The following CAMK1 variants were observed in gnomAD, a reference collection of about 807,000 sequenced individuals.
CAMK1 encodes calcium/calmodulin dependent protein kinase I, also known as calcium/calmodulin-dependent protein kinase type 1.
In CAMK1, 39 loss-of-function variants were observed where a neutral mutation model predicts 49.1. The ratio of observed to expected loss-of-function variants is 0.79; its 90% CI spans 0.62 to 1.04. The LOEUF (loss-of-function observed/expected upper bound fraction) is 1.04, where lower values mean the gene tolerates loss of function less well. Ranked by LOEUF, CAMK1 falls within the 50% of genes least tolerant of loss-of-function variation. The pLI is 0.00. For missense variants in CAMK1, 457 were observed against 472.2 expected, an observed-to-expected ratio of 0.97 and a Z score of 0.30; for synonymous variants, 192 against 185.2, an observed-to-expected ratio of 1.04 and a Z score of -0.30.
intron 10 of CAMK1, chr3:9,759,112 C>A: frequency 8.0e-7 from 1 of 1,242,330 alleles, no homozygotes; most frequent in Non-Finnish European, 1.2e-6. Flanking sequence ...TCTGGCCAGG[C>A]TTAGCACTTG....
Position 9,757,993 on chromosome 3 carries a change from A to T in CAMK1, c.913-147T>A. ...TTAATTCCCCTAAAGCCCCCCAAAA[A>T]CCTCTACAAGGCTTTATTATATATT... On this transcript the variant is annotated intron_variant, in intron 10 of 11. Coordinates refer to ENST00000256460, the MANE Select transcript of CAMK1 (RefSeq NM_003656.5). This position sits in a 1 kb window ranked among gnomAD's most constrained non-coding sequence, Gnocchi z 4.5. 1 of 1,345,986 alleles carries T rather than the reference A, an allele frequency of 7.4e-7. No individual in the cohort carries two copies. The highest frequency in any genetic ancestry group is 1.6e-5 in the South Asian group (1 of 64,272). 83.4% of individuals were successfully genotyped at this position (1,345,986 alleles called of 1,614,324 possible).
chr3:9,759,917 C>G (rs1340930112), intron 8 of CAMK1, 167 bp from the exon 9 acceptor site: 1 of 1,057,366 alleles, frequency 9.5e-7, no homozygotes, highest in Non-Finnish European at 1.4e-6. Context: ...CCCTCCCACC[C>G]CGTGCCTTCC....
chr3:9,763,221 G>A lies in CAMK1; in HGVS notation c.216-8C>T. The A allele has an allele frequency of 6.2e-7, 1 of 1,613,744 alleles. No individual in the cohort carries two copies. The highest frequency in any genetic ancestry group is 8.5e-7 in the Non-Finnish European group (1 of 1,180,000). ...ATGTTGGGGTGCTTGATCCTGAAAG[G>A]AGAAATGAGGTGGTTTAGCCAGGCA... On this transcript the variant is annotated splice_region_variant and splice_polypyrimidine_tract_variant and intron_variant, in intron 3 of 11. Transcript: ENST00000256460.
intron 3 of CAMK1, among the ~76,000 whole-genome samples, chr3:9,765,126 C>G (rs1467761063): frequency 2.0e-5 from 3 of 151,370 alleles, no homozygotes; most frequent in Admixed American, 6.6e-5. Context: ...ACTAGGGAGG[C>G]TGAAGCAAGA....
chr3:9,767,871 A>G (rs1489434950), intron 1 of CAMK1, 90 bp from the exon 2 acceptor site: 2 of 1,459,424 alleles, frequency 1.4e-6, no homozygotes, highest in Admixed American at 4.7e-5. Context: ...TTCAACCTGC[A>G]TTTATTCATC....
In CAMK1 at chr3:9,757,931, G is replaced by A. The variant is rs1242974567; in HGVS notation, c.913-85C>T. ...GGGGCAGGGGCGCAGTGGGATTCTT[G>A]CAATTGTTCTGTTATTTTCATTCAG... On this transcript the variant is annotated intron_variant, in intron 10 of 11. Transcript: ENST00000256460. The surrounding 1 kb of genome is among the most constrained non-coding windows in gnomAD (Gnocchi z 4.5). 3 of 1,514,548 alleles carry A rather than the reference G, an allele frequency of 2.0e-6. No homozygotes were observed. In the African/African-American group the frequency reaches 4.2e-5, roughly 21 times the overall value. The allele number at this position is 1,514,548 out of a possible 1,614,324, so 93.8% of individuals were successfully genotyped here. A position where few individuals can be genotyped will look rare whatever the true frequency, so the allele number is the denominator to read the frequency against.
chr3:9,766,418 C>A, intron 2 of CAMK1: 1 of 484,738 alleles, frequency 2.1e-6, no homozygotes, highest in Non-Finnish European at 3.8e-6. Flanking sequence ...CTTAAAGAAC[C>A]ATCAGCATCA....
Position 9,761,675 on chromosome 3 carries a change from G to T in CAMK1, c.512C>A (p.Pro171Gln), listed in dbSNP as rs780569645. ...ACAGGCGGTGGAGAGCACACTGCCCGGGTCCTCCATCTTGGAGAGGCCAAA... is the reference window on the plus strand; with the variant it reads ...ACAGGCGGTGGAGAGCACACTGCCCTGGTCCTCCATCTTGGAGAGGCCAAA... ...SDFGLSKMED[P>Q]GSVLSTACGT... The change falls in exon 6 of 12, where the codon CCG becomes CAG. Residue 171 changes from proline (P) to glutamine (Q), a missense_variant. Physicochemically the swap from Pro to Gln is moderately conservative, Grantham distance 76 (BLOSUM62 -1). Coordinates refer to ENST00000256460, the MANE Select transcript of CAMK1 (RefSeq NM_003656.5). The T allele has an allele frequency of 6.2e-7, 1 of 1,614,000 alleles. No homozygotes were observed. Among genetic ancestry groups the T allele is most frequent in the Non-Finnish European group, 8.5e-7 (1 of 1,180,008 alleles).
chr3:9,760,591 C>T, intron 8 of CAMK1, 65 bp downstream of exon 8: 1 of 1,556,390 alleles, frequency 6.4e-7, no homozygotes, highest in Non-Finnish European at 8.9e-7. Context: ...GGGAGACCGC[C>T]CCCAAAGCAG....
At chr3:9,761,385 C>G (rs1196004092) in intron 7 of CAMK1, 76 bp downstream of exon 7, 5 of 1,454,254 alleles carry the variant, frequency 3.4e-6, no homozygotes, top group Non-Finnish European at 4.7e-6. Context: ...AGAGGGAGAG[C>G]AGAGGAAGGA....
At chr3:9,758,957 CT>C in intron 10 of CAMK1, 1 of 514,458 alleles carries the variant, frequency 1.9e-6, no homozygotes, top group Non-Finnish European at 3.5e-6. Flanking sequence ...GCAGCAAATA[CT>C]TGCCTAAGAT....
chr3:9,767,623 A>G (rs1378996696), intron 2 of CAMK1, 44 bp downstream of exon 2: 2 of 1,611,598 alleles, frequency 1.2e-6, no homozygotes, highest in Non-Finnish European at 1.7e-6. Context: ...CCCTGGACTC[A>G]GCCTCCCTCA....
At chr3:9,766,341 T>C in intron 2 of CAMK1, 1 of 678,962 alleles carries the variant, frequency 1.5e-6, no homozygotes, top group Non-Finnish European at 2.7e-6. Context: ...TTTTGGATTA[T>C]GTGTACAGTT....
intron 3 of CAMK1, among the ~76,000 whole-genome samples, chr3:9,763,743 T>C (rs2078004767): frequency 2.0e-5 from 3 of 152,190 alleles, no homozygotes. Context: ...CCCAGCACTT[T>C]GGGAGGCCAA....
intron 3 of CAMK1, among the ~76,000 whole-genome samples, chr3:9,765,383 A>G (rs954802928): frequency 1.3e-5 from 2 of 152,178 alleles, no homozygotes; most frequent in Non-Finnish European, 2.9e-5. Flanking sequence ...GGGGGTCAGC[A>G]GACAGTCATT....
In CAMK1 at chr3:9,759,151, T is replaced by A. The variant is rs370507027; in HGVS notation, c.912+337A>T. On this transcript the variant is annotated intron_variant, in intron 10 of 11. Transcript: ENST00000256460. ...TTCCCGGAATGGCTATAGACATTAT[T>A]CCGCTATGCCTCACTAATTCCTACT... 27 of 1,511,972 alleles carry A rather than the reference T, an allele frequency of 1.8e-5. No homozygotes were observed. The East Asian group carries it at 2.0e-4, about 11-fold the overall frequency. 93.7% of individuals were successfully genotyped at this position (1,511,972 alleles called of 1,614,324 possible).
intron 1 of CAMK1, among the ~76,000 whole-genome samples, chr3:9,768,978 T>C (rs1312113879): frequency 6.6e-6 from 1 of 151,666 alleles, no homozygotes; most frequent in African/African-American, 2.4e-5. Context: ...TCCACACACA[T>C]CCCTGTAGCA....
intron 10 of CAMK1, chr3:9,759,135 T>G: frequency 7.0e-7 from 1 of 1,426,000 alleles, no homozygotes. Flanking sequence ...CTTCCCGGAA[T>G]GGCTATAGAC....
At chr3:9,761,941 C>T (rs2125579140) in intron 5 of CAMK1, 184 bp from the exon 6 acceptor site, 2 of 824,078 alleles carry the variant, frequency 2.4e-6, no homozygotes, top group South Asian at 3.7e-5. Flanking sequence ...GGACAAGGCT[C>T]AAGAGGGTGT....
Sources: gnomAD v4.1 joint callset for allele counts (sites outside exome capture counted in the v4.1 genomes callset) on GRCh38, gnomAD v4.1.1 for gene constraint, Gnocchi (gnomAD v3.1) non-coding constraint, MANE v1.5 for transcripts, NCBI Gene and HGNC (gene_info 2026-07-23, HGNC 2026-07-21) for gene names.